Variants in MYH3 observed in about 807,000 individuals in gnomAD.
MYH3 encodes the protein myosin heavy chain 3, also known as myosin-3.
A neutral mutation model predicts 238.0 loss-of-function variants in MYH3; 130 were observed. That is an observed-to-expected ratio of 0.55 (90% confidence interval 0.47 to 0.63). The LOEUF (loss-of-function observed/expected upper bound fraction) is 0.63, where lower values mean the gene tolerates loss of function less well. MYH3 is among the 30% of genes least tolerant of loss of function. The pLI is 0.00. For synonymous variants in MYH3, 880 were observed against 924.1 expected, an observed-to-expected ratio of 0.95 and a Z score of 0.86; for missense variants, 1,853 against 2,374.9, an observed-to-expected ratio of 0.78 and a Z score of 4.57.
rs769741064 is a variant in MYH3, at chr17:10,642,390, C to A, written c.1888+27G>T. On this transcript the variant is annotated intron_variant, in intron 16 of 40. Transcript: ENST00000583535. The surrounding 1 kb of genome is among the most constrained non-coding windows in gnomAD (Gnocchi z 5.4). Reference sequence around the variant, plus strand: ...TACTGTGGAACAAATGGAGGGAAATCACATGGACACAAAGCACTCCTCTTA... The same window carrying A: ...TACTGTGGAACAAATGGAGGGAAATAACATGGACACAAAGCACTCCTCTTA... 6.8e-6 allele frequency: 11 copies of A among 1,613,948 alleles called. No individual in the cohort carries two copies. Among genetic ancestry groups the A allele is most frequent in the Non-Finnish European group, 8.5e-6 (10 of 1,179,986 alleles).
At chr17:10,635,896 T>C in intron 28 of MYH3, 43 bp from the exon 29 acceptor site, 1 of 1,512,664 alleles carries the variant, frequency 6.6e-7, no homozygotes, top group South Asian at 1.1e-5. Context: ...TATTCACTCA[T>C]TCACTCACCA....
chr17:10,675,435 G>A, the MYH3 span: 1 of 152,372 alleles, frequency 6.6e-6, no homozygotes, highest in South Asian at 2.1e-4. Flanking sequence ...ACTGCCTTTT[G>A]CAGGGACTCT....
chr17:10,629,680 C>T lies in MYH3; in HGVS notation c.5713G>A (p.Glu1905Lys). The change falls in exon 40 of 41, where the codon GAG becomes AAG. Residue 1905 changes from glutamate to lysine, a missense_variant. Glu to Lys is a moderately conservative substitution (Grantham distance 56). Transcript: ENST00000583535. ...TKFRKAQHELEEAEERADIAE... is the reference protein window; with the variant it reads ...TKFRKAQHELKEAEERADIAE... ...ATATCCGCACGTTCCTCGGCCTCCT[C>T]CAGCTCATGCTGAGCCTTTCGGAAT... 6.2e-7 allele frequency: 1 copy of T among 1,614,232 alleles called. No individual in the cohort carries two copies. Among genetic ancestry groups the T allele is most frequent in the Non-Finnish European group, 8.5e-7 (1 of 1,180,050 alleles).
chr17:10,677,366 T>C, the MYH3 span: 1 of 152,030 alleles, frequency 6.6e-6, no homozygotes, highest in Non-Finnish European at 1.5e-5. Context: ...ACAAACTAAT[T>C]GGGTAACAAA....
upstream of MYH3, among the ~76,000 whole-genome samples, chr17:10,661,354 C>G (rs75629075): frequency 3.6e-4 from 53 of 147,636 alleles, no homozygotes; most frequent in East Asian, 0.011. Context: ...AGAAGAGAGT[C>G]TCTTGCTGCT....
chr17:10,657,557 CCT>C (rs2074446269), upstream of MYH3, among the ~76,000 whole-genome samples: 1 of 152,172 alleles, frequency 6.6e-6, no homozygotes, highest in African/African-American at 2.4e-5. Flanking sequence ...TGCTCCCTCC[CCT>C]GATGGGATGG....
rs113899553 is a variant in MYH3, at chr17:10,654,072, T to C, written c.204+789A>G. Among the ~76,000 whole-genome samples, 20 of 152,262 alleles carry C rather than the reference T, an allele frequency of 1.3e-4. No individual in the cohort carries two copies. The highest frequency in any genetic ancestry group is 4.8e-4 in the African/African-American group (20 of 41,550). Reference sequence around the variant, plus strand: ...TCCCGGGTTCACGTGCAGGGCGGTTTTTAATGCCTTTTTTCCTTCATGCCC... The same window carrying C: ...TCCCGGGTTCACGTGCAGGGCGGTTCTTAATGCCTTTTTTCCTTCATGCCC... On this transcript the variant is annotated intron_variant, in intron 3 of 40. Transcript: ENST00000583535. The surrounding 1 kb of genome is among the most constrained non-coding windows in gnomAD (Gnocchi z 4.5).
chr17:10,638,239 T>A lies in MYH3; in HGVS notation c.3533A>T (p.Asp1178Val). ...REAEFLKLRR[D>V]LEEATLQHEA... ...GTGCTGCAGTGTGGCCTCCTCCAGG[T>A]CCCTGCGCAGCTTCAGGAACTCCGC... Residue 1178 changes from aspartate to valine, a missense_variant, in exon 27 of 41, where the codon GAC (aspartate) becomes GTC (valine). By Grantham distance (152) the Asp-to-Val change is radical. Around this residue, in one of 3 missense-constraint regions of MYH3, gnomAD observed 1,044 missense variants for 1,192.6 expected, o/e 0.88. Coordinates refer to ENST00000583535, the MANE Select transcript of MYH3 (RefSeq NM_002470.4). 1 of 1,613,878 alleles carries A rather than the reference T, an allele frequency of 6.2e-7. No individual in the cohort carries two copies. The highest frequency in any genetic ancestry group is 8.5e-7 in the Non-Finnish European group (1 of 1,179,996).
chr17:10,635,303 A>T (rs1423681149), intron 30 of MYH3, 64 bp downstream of exon 30: 2 of 1,612,938 alleles, frequency 1.2e-6, no homozygotes, highest in Non-Finnish European at 8.5e-7. Flanking sequence ...ACGCCTAGTA[A>T]TAAAAATAAA....
chr17:10,660,733 C>T (rs561855957), upstream of MYH3, among the ~76,000 whole-genome samples: 3 of 150,776 alleles, frequency 2.0e-5, no homozygotes, highest in East Asian at 4.0e-4. Context: ...ATAATCCCAG[C>T]ACTTTGGGAG....
chr17:10,637,194 G>A (rs2074223954), intron 28 of MYH3, among the ~76,000 whole-genome samples: 2 of 151,786 alleles, frequency 1.3e-5, no homozygotes, highest in African/African-American at 4.8e-5. Flanking sequence ...CAAGTAGCTG[G>A]GATTACAGGC....
intron 19 of MYH3, 130 bp downstream of exon 19, chr17:10,640,955 T>G (rs1305233500): frequency 1.4e-5 from 13 of 909,506 alleles, no homozygotes; most frequent in Non-Finnish European, 2.4e-5. Flanking sequence ...AAATGGTAGA[T>G]TGTTCAGTTT....
At chr17:10,675,744 AAACACCC>A in the MYH3 span, 1 of 152,304 alleles carries the variant, frequency 6.6e-6, no homozygotes, top group East Asian at 1.9e-4. Flanking sequence ...TAAAGAAAAA[AAACACCC>A]AACAACGAGG....
intron 2 of MYH3, among the ~76,000 whole-genome samples, chr17:10,655,472 AG>A (rs2074419105): frequency 6.6e-6 from 1 of 152,360 alleles, no homozygotes; most frequent in Admixed American, 6.5e-5. Flanking sequence ...CCATCTTCAA[AG>A]AGAGTGTGCT....
chr17:10,654,872 C>T lies in MYH3; in HGVS notation c.193G>A (p.Glu65Lys). 6.2e-7 allele frequency: 1 copy of T among 1,614,172 alleles called. No homozygotes were observed. Among genetic ancestry groups the T allele is most frequent in the Middle Eastern group, 1.6e-4 (1 of 6,062 alleles). ...SQDGKVTVETEDNRTLVVKPE... is the reference protein window; with the variant it reads ...SQDGKVTVETKDNRTLVVKPE... ...GTACAGAGCCTTACCCTGTTGTCCT[C>T]AGTTTCCACAGTGACCTTCCCATCC... The change falls in exon 3 of 41, where the codon GAG (glutamate) becomes AAG (lysine). Residue 65 changes from glutamate to lysine, a missense_variant. Glu to Lys is a moderately conservative substitution (Grantham distance 56). Coordinates refer to ENST00000583535, the MANE Select transcript of MYH3 (RefSeq NM_002470.4). The surrounding 1 kb of genome is among the most constrained non-coding windows in gnomAD (Gnocchi z 4.5).
At chr17:10,669,834 C>A in the MYH3 span, among the ~76,000 whole-genome samples, 32,786 of 152,086 alleles carry the variant, frequency 0.22, 3,637 homozygotes, top group African/African-American at 0.23. Flanking sequence ...TTGCTTGAGC[C>A]TGGGAATTTG....
At chr17:10,678,247 C>G in the MYH3 span, 1 of 152,244 alleles carries the variant, frequency 6.6e-6, no homozygotes, top group African/African-American at 2.4e-5. Context: ...CGCACGATAG[C>G]AGCAGAACAA....
Position 10,632,680 on chromosome 17 carries a change from G to T in MYH3, c.4752C>A (p.Ile1584=). The T allele has an allele frequency of 6.2e-7, 1 of 1,614,092 alleles. No homozygotes were observed. Among genetic ancestry groups the T allele is most frequent in the Non-Finnish European group, 8.5e-7 (1 of 1,180,018 alleles). Residue 1584 remains isoleucine, a synonymous_variant, in exon 34 of 41, where the codon ATC becomes ATA. Transcript: ENST00000583535. ...TCTGGTAGTTCCTCTTCAGCTGCTC[G>T]ATCTCTTCATCCTTCTCGGCGATCT... ...DRKIAEKDEE[I]EQLKRNYQRT...
chr17:10,635,325 C>A (rs1457337808), intron 30 of MYH3, 42 bp downstream of exon 30: 2 of 1,612,944 alleles, frequency 1.2e-6, no homozygotes, highest in Middle Eastern at 1.6e-4. Context: ...TCATCGAATT[C>A]ATTCCTAAGT....
Sources: allele counts gnomAD v4.1 joint callset (sites outside exome capture counted in the v4.1 genomes callset), GRCh38; gene constraint gnomAD v4.1.1; regional missense constraint gnomAD v4.1.1; non-coding constraint Gnocchi (gnomAD v3.1); transcripts MANE v1.5; gene names NCBI Gene and HGNC (gene_info 2026-07-23, HGNC 2026-07-21).